The following CELF2 variants were observed in gnomAD, a reference collection of about 807,000 sequenced individuals.
CELF2 encodes CUGBP Elav-like family member 2.
In CELF2, 8 loss-of-function variants were observed where a neutral mutation model predicts 62.6. That is an observed-to-expected ratio of 0.13 (90% CI 0.07 to 0.23). The LOEUF is 0.23. Among genes scored for constraint, CELF2 ranks in the 10% least tolerant of loss-of-function variants. The pLI, the probability that CELF2 is intolerant of heterozygous loss-of-function variation, is 1.00. For missense variants in CELF2, 333 were observed against 671.0 expected, an observed-to-expected ratio of 0.50 and a Z score of 5.56; for synonymous variants, 258 against 250.0, an observed-to-expected ratio of 1.03 and a Z score of -0.30.
At chr10:11,074,318 C>A (rs190660695) in intron 1 of CELF2, among the ~76,000 whole-genome samples, 9 of 152,268 alleles carry the variant, frequency 5.9e-5, no homozygotes, top group Admixed American at 2.0e-4. Context: ...AATGACTGTT[C>A]TGCTGCTTAA....
the CELF2 span, among the ~76,000 whole-genome samples, chr10:10,488,883 A>T: frequency 8.2e-3 from 1,242 of 152,206 alleles, 16 homozygotes; most frequent in African/African-American, 0.029. Context: ...TGGGATCAAA[A>T]TCCTGACTCC....
At chr10:11,183,477 T>A (rs1290980979) in intron 2 of CELF2, among the ~76,000 whole-genome samples, 1 of 152,248 alleles carries the variant, frequency 6.6e-6, no homozygotes. Context: ...GTGGAATGGC[T>A]GTATCATATA....
At chr10:11,123,016 C>T (rs770102525) in intron 1 of CELF2, among the ~76,000 whole-genome samples, 16 of 152,068 alleles carry the variant, frequency 1.1e-4, no homozygotes, top group South Asian at 6.2e-4. Context: ...TATAAGTTCC[C>T]GAAAGTAGCA....
At chr10:11,295,880 G>A (rs576304006) in intron 9 of CELF2, among the ~76,000 whole-genome samples, 3 of 152,258 alleles carry the variant, frequency 2.0e-5, no homozygotes, top group East Asian at 1.9e-4. Context: ...TTGTGTGGAG[G>A]GAGTTTGGGT....
At chr10:10,879,812 G>A (rs573598016) in intron 1 of CELF2, among the ~76,000 whole-genome samples, 1 of 152,198 alleles carries the variant, frequency 6.6e-6, no homozygotes, top group African/African-American at 2.4e-5. Context: ...TATTTTCAAA[G>A]AGTTTCACTG....
chr10:10,754,077 T>C, the CELF2 span, among the ~76,000 whole-genome samples: 12 of 150,348 alleles, frequency 8.0e-5, no homozygotes, highest in African/African-American at 2.7e-4. Context: ...TTTTTTTTTT[T>C]TTTTTTTTAG....
the CELF2 span, among the ~76,000 whole-genome samples, chr10:10,750,354 T>A: frequency 3.1e-3 from 479 of 152,282 alleles, no homozygotes; most frequent in African/African-American, 0.011. Flanking sequence ...TACTATTTTT[T>A]ATAGTTAGTG....
the CELF2 span, among the ~76,000 whole-genome samples, chr10:10,608,842 C>A: frequency 2.0e-5 from 3 of 152,166 alleles, no homozygotes; most frequent in Non-Finnish European, 4.4e-5. Context: ...AACCACATAT[C>A]TTAACTAGAA....
chr10:10,642,810 G>A, the CELF2 span, among the ~76,000 whole-genome samples: 6 of 152,252 alleles, frequency 3.9e-5, no homozygotes, highest in South Asian at 1.2e-3. Flanking sequence ...GTGGGTGCAG[G>A]TGGAGCCCTG....
At chr10:10,612,726 C>G in the CELF2 span, among the ~76,000 whole-genome samples, 1 of 152,152 alleles carries the variant, frequency 6.6e-6, no homozygotes, top group Non-Finnish European at 1.5e-5. Flanking sequence ...TTCGGGAGCT[C>G]CTGTGCTCCC....
chr10:10,695,523 G>C, the CELF2 span, among the ~76,000 whole-genome samples: 17 of 150,836 alleles, frequency 1.1e-4, no homozygotes, highest in African/African-American at 3.4e-4. Context: ...TTGTGGCGTT[G>C]TCTGTATTTC....
At chr10:10,715,864 A>G in the CELF2 span, among the ~76,000 whole-genome samples, 2 of 152,208 alleles carry the variant, frequency 1.3e-5, no homozygotes, top group African/African-American at 2.4e-5. Context: ...TTTATAAGGA[A>G]CACATGACCA....
chr10:10,923,373 A>G (rs901233332), intron 2 of CELF2, among the ~76,000 whole-genome samples: 7 of 152,212 alleles, frequency 4.6e-5, no homozygotes, highest in African/African-American at 1.4e-4. Flanking sequence ...GACCATTTAC[A>G]CGGGTTGCAT....
chr10:11,118,893 C>G (rs1019312720), intron 1 of CELF2, among the ~76,000 whole-genome samples: 1 of 152,174 alleles, frequency 6.6e-6, no homozygotes, highest in Non-Finnish European at 1.5e-5. Flanking sequence ...TATGACCTTT[C>G]GCAAGTCACT....
chr10:10,922,163 G>T (rs4750006), intron 2 of CELF2, among the ~76,000 whole-genome samples: 57,805 of 151,866 alleles, frequency 0.38, 12,319 homozygotes, highest in East Asian at 0.72. Context: ...AATTACTGTA[G>T]GTCTTCATTC....
At chr10:10,582,545 T>C in the CELF2 span, among the ~76,000 whole-genome samples, 1 of 152,168 alleles carries the variant, frequency 6.6e-6, no homozygotes, top group African/African-American at 2.4e-5. Context: ...ACCAACCACC[T>C]CTCCCAATCC....
intron 1 of CELF2, among the ~76,000 whole-genome samples, chr10:11,126,266 G>C (rs994440426): frequency 6.6e-6 from 1 of 151,984 alleles, no homozygotes; most frequent in Non-Finnish European, 1.5e-5. Flanking sequence ...ACCATTTTTC[G>C]CCTCTGTATC....
the CELF2 span, among the ~76,000 whole-genome samples, chr10:10,752,311 G>A: frequency 6.6e-6 from 1 of 152,312 alleles, no homozygotes; most frequent in East Asian, 1.9e-4. Context: ...AGTAGCAAGT[G>A]GATAGCTGCA....
chr10:11,297,458 C>A lies in CELF2; in HGVS notation c.976+8906C>A, dbSNP rs572900455. On this transcript the variant is annotated intron_variant, in intron 9 of 12. Transcript: ENST00000633077. This position sits in a 1 kb window ranked among gnomAD's most constrained non-coding sequence, Gnocchi z 4.4. ...GTCTGTGCTTGTGGAACAGAGGGACCAGGGGATGGAAAGGGAGCTTTCTGG... is the reference window on the plus strand; with the variant it reads ...GTCTGTGCTTGTGGAACAGAGGGACAAGGGGATGGAAAGGGAGCTTTCTGG... Among the ~76,000 whole-genome samples the A allele has an allele frequency of 2.6e-5, 4 of 151,936 alleles. No homozygotes were observed. The highest frequency in any genetic ancestry group is 5.9e-5 in the Non-Finnish European group (4 of 67,990).
Sources: allele counts gnomAD v4.1 joint callset (sites outside exome capture counted in the v4.1 genomes callset), GRCh38; gene constraint gnomAD v4.1.1; non-coding constraint Gnocchi (gnomAD v3.1); transcripts MANE v1.5; gene names NCBI Gene and HGNC (gene_info 2026-07-23, HGNC 2026-07-21).